Variants in HAPLN1 observed in about 807,000 individuals in gnomAD.
HAPLN1 encodes hyaluronan and proteoglycan link protein 1.
HAPLN1 carries 13 observed loss-of-function variants against 36.5 expected under a neutral mutation model. That is an observed-to-expected ratio of 0.36 (90% CI 0.23 to 0.57). The LOEUF is 0.57. Ranked by LOEUF, HAPLN1 falls within the 20% of genes least tolerant of loss-of-function variation. HAPLN1 has a pLI of 0.83. For synonymous variants in HAPLN1, 202 were observed against 169.8 expected, an observed-to-expected ratio of 1.19 and a Z score of -1.48; for missense variants, 407 against 439.7, an observed-to-expected ratio of 0.93 and a Z score of 0.66.
chr5:83,712,246 A>G (rs1266572728), intron 1 of HAPLN1, among the ~76,000 whole-genome samples: 1 of 152,148 alleles, frequency 6.6e-6, no homozygotes, highest in East Asian at 1.9e-4. Flanking sequence ...CCTTTCAGGT[A>G]TTCTGCAGTT....
chr5:83,710,110 ACACT>A (rs763621588), intron 1 of HAPLN1, among the ~76,000 whole-genome samples: 1 of 152,204 alleles, frequency 6.6e-6, no homozygotes, highest in Non-Finnish European at 1.5e-5. Context: ...GGTGGTTTAG[ACACT>A]CACTGGATAG....
chr5:83,641,695 A>G lies in HAPLN1; in HGVS notation c.866T>C (p.Val289Ala), dbSNP rs981774652. 9 of 1,614,072 alleles carry G rather than the reference A, an allele frequency of 5.6e-6. No homozygotes were observed. The highest frequency in any genetic ancestry group is 1.3e-5 in the African/African-American group (1 of 74,924). ...CLNDGAQIAK[V>A]GQIFAAWKIL... ...TTTCCAGGCAGCAAATATCTGGCCCACTTTTGCAATCTGAGCACCATCATT... is the reference window on the plus strand; with the variant it reads ...TTTCCAGGCAGCAAATATCTGGCCCGCTTTTGCAATCTGAGCACCATCATT... The change falls in exon 5 of 5, where the codon GTG becomes GCG. Residue 289 changes from valine (V) to alanine (A), a missense_variant. Physicochemically the swap from Val to Ala is moderately conservative, Grantham distance 64. Coordinates refer to ENST00000274341, the MANE Select transcript of HAPLN1 (RefSeq NM_001884.4).
chr5:83,696,814 T>A (rs1246990410), intron 1 of HAPLN1, among the ~76,000 whole-genome samples: 1 of 152,210 alleles, frequency 6.6e-6, no homozygotes, highest in African/African-American at 2.4e-5. Flanking sequence ...ATCAGTCACT[T>A]ACATTTCTCC....
chr5:83,705,387 C>CAAAAAAAAAAAAAAAAAAAAAA (rs762927081), intron 1 of HAPLN1, among the ~76,000 whole-genome samples: 2 of 85,424 alleles, frequency 2.3e-5, no homozygotes, highest in African/African-American at 4.8e-5. Context: ...TGAAACGTCA[C>CAAAAAAAAAAAAAAAAAAAAAA]AAAAAAAAAA....
intron 3 of HAPLN1, among the ~76,000 whole-genome samples, chr5:83,645,398 A>G (rs1275978805): frequency 6.6e-6 from 1 of 151,904 alleles, no homozygotes; most frequent in Non-Finnish European, 1.5e-5. Flanking sequence ...ACAGCTCTAA[A>G]TGCAGCCCAA....
intron 1 of HAPLN1, among the ~76,000 whole-genome samples, chr5:83,697,011 G>A (rs757427074): frequency 1.4e-4 from 21 of 151,932 alleles, no homozygotes; most frequent in Admixed American, 5.3e-4. Flanking sequence ...TCCATCACCC[G>A]TAAAAGAAAC....
intron 1 of HAPLN1, among the ~76,000 whole-genome samples, chr5:83,699,117 G>C (rs1411469920): frequency 6.6e-6 from 1 of 152,092 alleles, no homozygotes; most frequent in Non-Finnish European, 1.5e-5. Context: ...AGGTGCTAAG[G>C]CAGTAAAAAG....
rs1751210235 is a variant in HAPLN1 at position 83,689,080 on chromosome 5, T to C, written c.-26-15531A>G. On this transcript the variant is annotated intron_variant, in intron 1 of 4. Transcript: ENST00000274341. ...GAGGATTTGCAAAGCCTACAATAGG[T>C]GCATAGTCTACCTTATTTAAATTTA... Among the ~76,000 whole-genome samples, 3 of 152,162 alleles carry C rather than the reference T, an allele frequency of 2.0e-5. No homozygotes were observed. In the South Asian group the frequency reaches 6.2e-4, roughly 31 times the overall value.
intron 2 of HAPLN1, among the ~76,000 whole-genome samples, chr5:83,653,384 A>G (rs1364723355): frequency 6.6e-6 from 1 of 152,210 alleles, no homozygotes; most frequent in East Asian, 1.9e-4. Context: ...AGTCAAATAT[A>G]CACCTGTGTT....
At chr5:83,652,882 T>C in intron 2 of HAPLN1, 58 bp from the exon 3 acceptor site, 1 of 1,418,984 alleles carries the variant, frequency 7.0e-7, no homozygotes, top group South Asian at 1.5e-5. Context: ...TCAGACATTT[T>C]CATAAAATGA....
intron 1 of HAPLN1, among the ~76,000 whole-genome samples, chr5:83,714,159 G>A (rs771258093): frequency 2.0e-5 from 3 of 152,028 alleles, no homozygotes; most frequent in Admixed American, 6.6e-5. Context: ...TCAGGCATTC[G>A]TATCTCCAAG....
At chr5:83,679,917 G>A (rs1262166118) in intron 1 of HAPLN1, among the ~76,000 whole-genome samples, 1 of 152,140 alleles carries the variant, frequency 6.6e-6, no homozygotes, top group African/African-American at 2.4e-5. Context: ...TTTCTTACTG[G>A]AGATATCAGA....
chr5:83,670,884 G>A (rs772415403), intron 2 of HAPLN1, among the ~76,000 whole-genome samples: 4 of 151,974 alleles, frequency 2.6e-5, no homozygotes, highest in Admixed American at 1.3e-4. Flanking sequence ...TAGTAGAGAC[G>A]GGGTTTCACC....
chr5:83,711,509 G>A (rs1751785432), intron 1 of HAPLN1, among the ~76,000 whole-genome samples: 1 of 152,094 alleles, frequency 6.6e-6, no homozygotes, highest in Non-Finnish European at 1.5e-5. Flanking sequence ...AAGCATGATG[G>A]ACAAGAAAGA....
Position 83,652,692 on chromosome 5 carries a change from C to T in HAPLN1, c.233G>A (p.Arg78Gln), listed in dbSNP as rs375268182. ...CGAAGTTAGCTTGGTCCACTTAATT[C>T]GGATTTTATGGATTCCTGAGCCAAA... The part of the protein sequence containing the change: ...TAFGSGIHKI[R>Q]IKWTKLTSDY... Residue 78 changes from arginine (R) to glutamine (Q), a missense_variant, in exon 3 of 5, where the codon CGA (arginine) becomes CAA (glutamine). Arg to Gln is a conservative substitution (Grantham distance 43). Transcript: ENST00000274341. 21 of 1,613,952 alleles carry T rather than the reference C, an allele frequency of 1.3e-5. No homozygotes were observed. Among genetic ancestry groups the T allele is most frequent in the Admixed American group, 1.7e-5 (1 of 60,000 alleles).
At chr5:83,678,187 C>A (rs1205125692) in intron 1 of HAPLN1, among the ~76,000 whole-genome samples, 1 of 148,842 alleles carries the variant, frequency 6.7e-6, no homozygotes, top group African/African-American at 2.5e-5. Flanking sequence ...TTCCTCTCTA[C>A]TTTTCCTCAT....
chr5:83,655,316 C>T (rs1486919471), intron 2 of HAPLN1, among the ~76,000 whole-genome samples: 1 of 152,092 alleles, frequency 6.6e-6, no homozygotes, highest in East Asian at 1.9e-4. Context: ...AACTGTAAAC[C>T]ATCTTGCAGT....
intron 1 of HAPLN1, among the ~76,000 whole-genome samples, chr5:83,700,647 T>C (rs1751486935): frequency 1.0e-5 from 1 of 98,534 alleles, no homozygotes; most frequent in Non-Finnish European, 1.8e-5. Context: ...CCTTTCAAAC[T>C]TTTTTTTTTT....
At chr5:83,677,885 C>T (rs577637208) in intron 1 of HAPLN1, among the ~76,000 whole-genome samples, 3 of 152,154 alleles carry the variant, frequency 2.0e-5, no homozygotes, top group Non-Finnish European at 2.9e-5. Flanking sequence ...TCCCATAAAA[C>T]TGCTATTTGG....
Sources: gnomAD v4.1 joint callset for allele counts (sites outside exome capture counted in the v4.1 genomes callset) on GRCh38, gnomAD v4.1.1 for gene constraint, MANE v1.5 for transcripts, NCBI Gene and HGNC (gene_info 2026-07-23, HGNC 2026-07-21) for gene names.